The following RRM2 variants were observed in gnomAD, a reference collection of about 807,000 sequenced individuals.
The protein encoded by RRM2 is ribonucleotide reductase regulatory subunit M2.
In RRM2, 6 loss-of-function variants were observed where a neutral mutation model predicts 45.9. That is an observed-to-expected ratio of 0.13 (90% CI 0.07 to 0.26). The LOEUF (loss-of-function observed/expected upper bound fraction) is 0.26, where lower values mean the gene tolerates loss of function less well. RRM2 is among the 10% of genes least tolerant of loss of function. The pLI is 1.00. For missense variants in RRM2, 343 were observed against 489.5 expected, an observed-to-expected ratio of 0.70 and a Z score of 2.82; for synonymous variants, 177 against 173.0, an observed-to-expected ratio of 1.02 and a Z score of -0.18.
At chr2:10,197,573 C>T (rs935243816) in intron 3 of RRM2, among the ~76,000 whole-genome samples, 2 of 152,032 alleles carry the variant, frequency 1.3e-5, no homozygotes, top group African/African-American at 2.4e-5. Flanking sequence ...GGTGGCCATA[C>T]CTGCGGGGCG....
chr2:10,190,892 G>T (rs1664290273), intron 3 of RRM2, among the ~76,000 whole-genome samples: 1 of 152,134 alleles, frequency 6.6e-6, no homozygotes, highest in South Asian at 2.1e-4. Flanking sequence ...TGGTGACGAT[G>T]GTGATATAAG....
intron 5 of RRM2, among the ~76,000 whole-genome samples, chr2:10,126,103 G>A (rs1425623885): frequency 6.9e-6 from 1 of 145,482 alleles, no homozygotes; most frequent in East Asian, 2.1e-4. Flanking sequence ...GTTTTACCGT[G>A]AGCTGTGATC....
At chr2:10,161,867 C>T (rs542822757) in intron 3 of RRM2, among the ~76,000 whole-genome samples, 29 of 152,346 alleles carry the variant, frequency 1.9e-4, no homozygotes, top group Admixed American at 1.4e-3. Context: ...CTGAGGTTTG[C>T]ACTTCCACTG....
chr2:10,167,238 T>C (rs552471549), intron 3 of RRM2, among the ~76,000 whole-genome samples: 2 of 152,270 alleles, frequency 1.3e-5, no homozygotes, highest in South Asian at 4.1e-4. Flanking sequence ...CAGTAAATGA[T>C]TGTTGATAAA....
intron 3 of RRM2, among the ~76,000 whole-genome samples, chr2:10,156,914 G>A (rs1039526237): frequency 2.0e-5 from 3 of 151,826 alleles, no homozygotes; most frequent in Non-Finnish European, 4.4e-5. Flanking sequence ...AAAGTGATGG[G>A]ATTATAGGCT....
intron 3 of RRM2, among the ~76,000 whole-genome samples, chr2:10,153,056 G>C (rs1348538451): frequency 6.6e-6 from 1 of 152,136 alleles, no homozygotes; most frequent in African/African-American, 2.4e-5. Flanking sequence ...AAAGGGCCGG[G>C]TGTGGTGGCT....
At chr2:10,146,035 A>C (rs1663179540) in intron 3 of RRM2, 1 of 152,364 alleles carries the variant, frequency 6.6e-6, no homozygotes, top group Non-Finnish European at 1.5e-5. Context: ...AGGTGGCTGC[A>C]GGGGAACCAT....
At chr2:10,200,975 T>C (rs1427449282) in intron 3 of RRM2, among the ~76,000 whole-genome samples, 1 of 152,096 alleles carries the variant, frequency 6.6e-6, no homozygotes, top group Non-Finnish European at 1.5e-5. Flanking sequence ...GGCGAAACCC[T>C]GTCTGTACTA....
intron 3 of RRM2, among the ~76,000 whole-genome samples, chr2:10,183,079 G>A (rs1664094229): frequency 6.6e-6 from 1 of 152,190 alleles, no homozygotes; most frequent in Non-Finnish European, 1.5e-5. Context: ...GCTAAGGCGG[G>A]AGGATGGCTT....
At chr2:10,156,273 A>G (rs770898706) in intron 3 of RRM2, 1 of 152,280 alleles carries the variant, frequency 6.6e-6, no homozygotes, top group Non-Finnish European at 1.5e-5. Flanking sequence ...TAATGTTTTA[A>G]GAAAGTTTAT....
At chr2:10,166,383 G>A (rs954478041) in intron 3 of RRM2, among the ~76,000 whole-genome samples, 6 of 152,206 alleles carry the variant, frequency 3.9e-5, no homozygotes, top group Admixed American at 2.0e-4. Flanking sequence ...CCTGGTGGCC[G>A]ATGCGCTTAG....
downstream of RRM2, among the ~76,000 whole-genome samples, chr2:10,134,277 A>G (rs1312068377): frequency 6.6e-6 from 1 of 152,006 alleles, no homozygotes; most frequent in Non-Finnish European, 1.5e-5. Context: ...CGGAACTTGT[A>G]GCAGCTCTCC....
chr2:10,194,784 G>C (rs1445528536), intron 3 of RRM2, among the ~76,000 whole-genome samples: 2 of 152,200 alleles, frequency 1.3e-5, no homozygotes, highest in Admixed American at 6.5e-5. Context: ...CCACTGTCCT[G>C]TCCTTCCCTC....
At chr2:10,142,094 T>C (rs1257267276) in intron 2 of RRM2, 3 of 1,585,836 alleles carry the variant, frequency 1.9e-6, no homozygotes, top group Non-Finnish European at 2.6e-6. Context: ...GAGGAAAGCA[T>C]GTTTCAGGCG....
intron 3 of RRM2, among the ~76,000 whole-genome samples, chr2:10,175,334 T>G (rs1663893694): frequency 6.6e-6 from 1 of 152,258 alleles, no homozygotes; most frequent in Non-Finnish European, 1.5e-5. Context: ...ATGTGGTCTT[T>G]GTGTCTGGCT....
At chr2:10,128,735 G>C (rs1012633231) in intron 7 of RRM2, 113 bp from the exon 8 acceptor site, 1 of 759,318 alleles carries the variant, frequency 1.3e-6, no homozygotes, top group Non-Finnish European at 2.3e-6. Context: ...AGTGCTCTCA[G>C]TATGGCTGAG....
chr2:10,196,751 G>T (rs765279150), intron 3 of RRM2, among the ~76,000 whole-genome samples: 30 of 152,212 alleles, frequency 2.0e-4, no homozygotes, highest in Non-Finnish European at 3.8e-4. Context: ...GGTTCGCTGT[G>T]GCCAGATGCC....
intron 3 of RRM2, among the ~76,000 whole-genome samples, chr2:10,200,408 AAAATATGAGGCCCACAGGGACCGCGCGCG>A (rs1558406503): frequency 0.013 from 2,020 of 149,902 alleles, 41 homozygotes; most frequent in East Asian, 0.019. Context: ...CTGCGCGCAC[AAAATATGAGGCCCACAGGGACCGCGCGCG>A]CAAAATATGA....
At chr2:10,174,767 A>G (rs1352892325) in intron 3 of RRM2, among the ~76,000 whole-genome samples, 1 of 152,010 alleles carries the variant, frequency 6.6e-6, no homozygotes, top group Non-Finnish European at 1.5e-5. Context: ...TTTGGGAGGC[A>G]GAGGCAGGAG....
Sources: gnomAD v4.1 joint callset for allele counts (sites outside exome capture counted in the v4.1 genomes callset) on GRCh38, gnomAD v4.1.1 for gene constraint, MANE v1.5 for transcripts, NCBI Gene and HGNC (gene_info 2026-07-23, HGNC 2026-07-21) for gene names.